The following LRP5 variants were observed in gnomAD, a reference collection of about 807,000 sequenced individuals.
LRP5 encodes LDL receptor related protein 5, also known as low-density lipoprotein receptor-related protein 5.
A neutral mutation model predicts 154.1 loss-of-function variants in LRP5; 62 were observed. The ratio of observed to expected loss-of-function variants is 0.40; its 90% CI spans 0.33 to 0.50. The LOEUF (loss-of-function observed/expected upper bound fraction) is 0.50, where lower values mean the gene tolerates loss of function less well. Ranked by LOEUF, LRP5 falls within the 20% of genes least tolerant of loss-of-function variation. The pLI, the probability that LRP5 is intolerant of heterozygous loss-of-function variation, is 0.55. For missense variants in LRP5, 1,915 were observed against 2,336.7 expected, an observed-to-expected ratio of 0.82 and a Z score of 3.72; for synonymous variants, 966 against 1,011.5, an observed-to-expected ratio of 0.96 and a Z score of 0.85.
At chr11:68,320,425 G>A (rs2098596083) in intron 1 of LRP5, among the ~76,000 whole-genome samples, 1 of 147,698 alleles carries the variant, frequency 6.8e-6, no homozygotes, top group African/African-American at 2.5e-5. Context: ...CCATTTTTCT[G>A]TTGTCTTTTT....
At chr11:68,320,371 A>G (rs1378734524) in intron 1 of LRP5, among the ~76,000 whole-genome samples, 1 of 151,384 alleles carries the variant, frequency 6.6e-6, no homozygotes, top group African/African-American at 2.4e-5. Flanking sequence ...TTTCTGGTTT[A>G]TTGGTATTTA....
intron 11 of LRP5, among the ~76,000 whole-genome samples, chr11:68,412,722 G>T (rs967605040): frequency 6.6e-6 from 1 of 152,120 alleles, no homozygotes; most frequent in Non-Finnish European, 1.5e-5. Flanking sequence ...GGCAGACAAG[G>T]GAGGAGAGGG....
At chr11:68,440,106 G>A (rs1454270817) in intron 21 of LRP5, among the ~76,000 whole-genome samples, 190 bp downstream of exon 21, 2 of 152,216 alleles carry the variant, frequency 1.3e-5, no homozygotes, top group African/African-American at 4.8e-5. Flanking sequence ...TGGATAATCT[G>A]AAAACTACAC....
chr11:68,433,497 C>A, intron 17 of LRP5, 105 bp from the exon 18 acceptor site: 1 of 1,021,364 alleles, frequency 9.8e-7, no homozygotes, highest in African/African-American at 1.6e-5. Flanking sequence ...GATGCCAAAC[C>A]CGCGCTGAGT....
intron 1 of LRP5, among the ~76,000 whole-genome samples, chr11:68,341,059 CT>C (rs576462333): frequency 0.038 from 3,194 of 83,518 alleles, 267 homozygotes; most frequent in African/African-American, 0.14. Flanking sequence ...GGAGATTGTT[CT>C]TTTTTTTTTT....
At chr11:68,312,947 C>A (rs2098589613) in intron 1 of LRP5, 142 bp downstream of exon 1, 2 of 275,222 alleles carry the variant, frequency 7.3e-6, no homozygotes, top group Non-Finnish European at 5.6e-6. Context: ...CGCCCGGGAT[C>A]CCCCTGCCGT....
intron 3 of LRP5, among the ~76,000 whole-genome samples, chr11:68,360,206 G>A (rs375606846): frequency 1.1e-4 from 17 of 152,178 alleles, no homozygotes; most frequent in Non-Finnish European, 2.2e-4. Flanking sequence ...TTGTAGAGAC[G>A]AGGTTTCACC....
chr11:68,395,817 T>A (rs1183058609), intron 7 of LRP5, among the ~76,000 whole-genome samples: 2 of 152,148 alleles, frequency 1.3e-5, no homozygotes, highest in African/African-American at 2.4e-5. Flanking sequence ...GCTCTGTGTT[T>A]TCTGCTGGAG....
intron 10 of LRP5, among the ~76,000 whole-genome samples, 155 bp downstream of exon 10, chr11:68,410,295 GC>G (rs1006600694): frequency 6.6e-6 from 1 of 152,196 alleles, no homozygotes; most frequent in African/African-American, 2.4e-5. Context: ...GACTGGTAGG[GC>G]CCTCAGAGGT....
chr11:68,299,863 G>A, the LRP5 span, among the ~76,000 whole-genome samples: 3 of 148,082 alleles, frequency 2.0e-5, no homozygotes, highest in Middle Eastern at 3.3e-3. Flanking sequence ...GATTGCAGGC[G>A]CGAGCCATCG....
chr11:68,396,437 C>T (rs1353633288), intron 7 of LRP5, among the ~76,000 whole-genome samples: 3 of 152,044 alleles, frequency 2.0e-5, no homozygotes, highest in Admixed American at 1.3e-4. Context: ...GTGCTTTCTG[C>T]GGGGCTAGCC....
At chr11:68,313,317 C>T (rs1452648704) in intron 1 of LRP5, among the ~76,000 whole-genome samples, 1 of 152,072 alleles carries the variant, frequency 6.6e-6, no homozygotes, top group Non-Finnish European at 1.5e-5. Context: ...TGGCGCTGCT[C>T]CTGTGAGCCG....
At chr11:68,391,618 G>A (rs1346854830) in intron 7 of LRP5, among the ~76,000 whole-genome samples, 1 of 152,222 alleles carries the variant, frequency 6.6e-6, no homozygotes, top group Non-Finnish European at 1.5e-5. Context: ...CCCAGGGATG[G>A]GGGAGGCTGA....
At position 68,413,303 on chromosome 11, in the gene LRP5, G is replaced by A. The variant is rs550972989; in HGVS notation, c.2504-386G>A. The A allele has an allele frequency of 2.2e-4, 83 of 374,134 alleles. No homozygotes were observed. Among genetic ancestry groups the A allele is most frequent in the African/African-American group, 1.4e-3 (70 of 49,434 alleles). 23.2% of individuals were successfully genotyped at this position (374,134 alleles called of 1,614,324 possible). A position where few individuals can be genotyped will look rare whatever the true frequency, so the allele number is the denominator to read the frequency against. The stretch of plus-strand genomic sequence containing the variant: ...CATTGCAGCCTGGCCGTCACTCCTC[G>A]GTACGTGTTTTGGACTTAAACGCTC... On this transcript the variant is annotated intron_variant, in intron 11 of 22. Transcript: ENST00000294304. The surrounding 1 kb of genome is among the most constrained non-coding windows in gnomAD (Gnocchi z 5.1).
At position 68,365,678 on chromosome 11, in the gene LRP5, G is replaced by T; in HGVS notation, c.991G>T (p.Asp331Tyr). The T allele has an allele frequency of 2.0e-6, 3 of 1,486,402 alleles. No individual in the cohort carries two copies. The highest frequency in any genetic ancestry group is 2.7e-6 in the Non-Finnish European group (3 of 1,105,244). 92.1% of individuals were successfully genotyped at this position (1,486,402 alleles called of 1,614,324 possible). A position where few individuals can be genotyped will look rare whatever the true frequency, so the allele number is the denominator to read the frequency against. Reference sequence around the variant, plus strand: ...CTGCCCCACGGGTGTGCAGCTGCAGGACAACGGCAGGACGTGTAAGGCAGG... The same window carrying T: ...CTGCCCCACGGGTGTGCAGCTGCAGTACAACGGCAGGACGTGTAAGGCAGG... ...CACPTGVQLQ[D>Y]NGRTCKAGAE... Residue 331 changes from aspartate to tyrosine, a missense_variant, in exon 5 of 23, where the codon GAC becomes TAC. Physicochemically the swap from Asp to Tyr is radical, Grantham distance 160. Around this residue, in one of 3 missense-constraint regions of LRP5, gnomAD observed 773 missense variants for 1,100.9 expected, o/e 0.70. Transcript: ENST00000294304.
Position 68,406,623 on chromosome 11 carries a change from T to G in LRP5, c.1901T>G (p.Leu634Arg), listed in dbSNP as rs1168194636. The G allele has an allele frequency of 1.2e-5, 19 of 1,614,044 alleles. No homozygotes were observed. Among genetic ancestry groups the G allele is most frequent in the Non-Finnish European group, 1.6e-5 (19 of 1,180,040 alleles). The change falls in exon 9 of 23, where the codon CTG (leucine) becomes CGG (arginine). Residue 634 changes from leucine (L) to arginine (R), a missense_variant. This residue lies in a region of LRP5 where 773 missense variants were observed against 1,100.9 expected (regional missense o/e 0.70). Coordinates refer to ENST00000294304, the MANE Select transcript of LRP5 (RefSeq NM_002335.4). The stretch of plus-strand genomic sequence containing the variant: ...GGCTGCCCCATCGGCCTGGAGCTGC[T>G]GAGTGACATGAAGACCTGCATCGTG... ...RCGCPIGLEL[L>R]SDMKTCIVPE...
chr11:68,356,053 C>G (rs977073407), intron 2 of LRP5, among the ~76,000 whole-genome samples: 1 of 150,302 alleles, frequency 6.7e-6, no homozygotes, highest in African/African-American at 2.5e-5. Context: ...ACCGTGTTAG[C>G]CAGGATGGTC....
chr11:68,433,797 A>C lies in LRP5; in HGVS notation c.3959A>C (p.Glu1320Ala). The C allele has an allele frequency of 6.2e-7, 1 of 1,612,598 alleles. No homozygotes were observed. Among genetic ancestry groups the C allele is most frequent in the Non-Finnish European group, 8.5e-7 (1 of 1,179,736 alleles). Residue 1320 changes from glutamate to alanine, a missense_variant, in exon 18 of 23, where the codon GAG becomes GCG. Transcript: ENST00000294304. ...GACCTGCGCCTGCGCTGCGACGGCGAGGCAGACTGTCAGGACCGCTCAGAC... is the reference window on the plus strand; with the variant it reads ...GACCTGCGCCTGCGCTGCGACGGCGCGGCAGACTGTCAGGACCGCTCAGAC... ...CVDLRLRCDG[E>A]ADCQDRSDEA...
In LRP5 at chr11:68,414,182, C is replaced by T. The variant is rs563002596; in HGVS notation, c.2827+170C>T. Among the ~76,000 whole-genome samples the T allele has an allele frequency of 5.4e-4, 83 of 152,308 alleles. 2 individuals are homozygous for T. The South Asian group carries it at 0.016, about 29-fold the overall frequency. ...TGCTACCTGGGGGTCCAGGTCCAGGCTGGATGGACTTGTTGCTTCATCAGG... is the reference window on the plus strand; with the variant it reads ...TGCTACCTGGGGGTCCAGGTCCAGGTTGGATGGACTTGTTGCTTCATCAGG... On this transcript the variant is annotated intron_variant, in intron 12 of 22. Transcript: ENST00000294304.
Sources: allele counts gnomAD v4.1 joint callset (sites outside exome capture counted in the v4.1 genomes callset), GRCh38; gene constraint gnomAD v4.1.1; regional missense constraint gnomAD v4.1.1; non-coding constraint Gnocchi (gnomAD v3.1); transcripts MANE v1.5; gene names NCBI Gene and HGNC (gene_info 2026-07-23, HGNC 2026-07-21).